Variants in NXPH2 observed in about 807,000 individuals in gnomAD.
NXPH2 encodes neurexophilin 2, also known as neurexophilin-2.
NXPH2 carries 5 observed loss-of-function variants against 19.8 expected under a neutral mutation model. The ratio of observed to expected loss-of-function variants is 0.25; its 90% CI spans 0.13 to 0.53. The LOEUF (loss-of-function observed/expected upper bound fraction) is 0.53. NXPH2 is among the 20% of genes least tolerant of loss of function. The probability of loss-of-function intolerance (pLI) is 0.96; values close to 1 mark genes in which losing one functional copy is unlikely to be tolerated. For synonymous variants in NXPH2, 154 were observed against 127.4 expected, an observed-to-expected ratio of 1.21 and a Z score of -1.41; for missense variants, 289 against 322.8, an observed-to-expected ratio of 0.90 and a Z score of 0.80.
intron 1 of NXPH2, among the ~76,000 whole-genome samples, chr2:138,764,629 A>G (rs1309343360): frequency 6.6e-6 from 1 of 152,202 alleles, no homozygotes; most frequent in East Asian, 1.9e-4. Context: ...TCTGATATAA[A>G]TCATATATAA....
At chr2:138,692,076 C>T (rs1194735237) in intron 1 of NXPH2, among the ~76,000 whole-genome samples, 1 of 152,070 alleles carries the variant, frequency 6.6e-6, no homozygotes, top group African/African-American at 2.4e-5. Flanking sequence ...AGAGCTTTGC[C>T]CTATAGATGA....
chr2:138,777,922 C>T (rs371971644), intron 1 of NXPH2, among the ~76,000 whole-genome samples: 1 of 144,864 alleles, frequency 6.9e-6, no homozygotes, highest in South Asian at 2.3e-4. Context: ...TGACTAGTTT[C>T]ATATCTAGAA....
intron 1 of NXPH2, among the ~76,000 whole-genome samples, chr2:138,761,089 G>A (rs4954721): frequency 0.27 from 41,089 of 151,980 alleles, 5,563 homozygotes; most frequent in Admixed American, 0.34. Flanking sequence ...AGAGTTTGCT[G>A]TGCCTGAAGC....
At chr2:138,756,431 G>T (rs4635466) in intron 1 of NXPH2, among the ~76,000 whole-genome samples, 125,002 of 151,242 alleles carry the variant, frequency 0.83, 51,615 homozygotes, top group Non-Finnish European at 0.86. Context: ...GGTGCAGAAT[G>T]TGCTTAAAAT....
intron 1 of NXPH2, among the ~76,000 whole-genome samples, chr2:138,705,138 T>A (rs947757509): frequency 9.2e-5 from 14 of 152,046 alleles, no homozygotes; most frequent in Middle Eastern, 3.4e-3. Context: ...TTTAAAAAAA[T>A]TTTTTTGTAG....
intron 1 of NXPH2, among the ~76,000 whole-genome samples, chr2:138,741,896 T>C (rs771123556): frequency 6.6e-6 from 1 of 152,186 alleles, no homozygotes; most frequent in Non-Finnish European, 1.5e-5. Context: ...GGGGCATTAA[T>C]GGGGAAAATG....
intron 1 of NXPH2, among the ~76,000 whole-genome samples, chr2:138,752,030 T>C (rs548043050): frequency 6.2e-4 from 94 of 152,278 alleles, no homozygotes; most frequent in Admixed American, 9.2e-4. Flanking sequence ...CCCAAAAGGA[T>C]AAGAAATAAA....
intron 1 of NXPH2, among the ~76,000 whole-genome samples, chr2:138,684,708 G>T (rs1680622941): frequency 6.6e-6 from 1 of 152,088 alleles, no homozygotes; most frequent in Admixed American, 6.5e-5. Context: ...GAAGGAACTG[G>T]GACTGTTCCG....
rs1440243341 is a variant in NXPH2, at chr2:138,670,816, C to G, written c.*106G>C. 3.3e-6 allele frequency: 4 copies of G among 1,220,296 alleles called. No individual in the cohort carries two copies. In the African/African-American group the frequency reaches 6.1e-5, roughly 18 times the overall value. 75.6% of individuals were successfully genotyped at this position (1,220,296 alleles called of 1,614,324 possible). A position where few individuals can be genotyped will look rare whatever the true frequency, so the allele number is the denominator to read the frequency against. On this transcript the variant is annotated 3_prime_UTR_variant, in exon 2 of 2. Coordinates refer to ENST00000272641, the MANE Select transcript of NXPH2 (RefSeq NM_007226.3). ...GAAAACCTGATAGGGAACTATTGTTCACTGCCAGAAACAAAAGGGATCCTT... is the reference window on the plus strand; with the variant it reads ...GAAAACCTGATAGGGAACTATTGTTGACTGCCAGAAACAAAAGGGATCCTT...
intron 1 of NXPH2, among the ~76,000 whole-genome samples, chr2:138,776,075 A>C (rs1378800748): frequency 6.6e-6 from 1 of 152,106 alleles, no homozygotes; most frequent in Non-Finnish European, 1.5e-5. Flanking sequence ...TGACACATTT[A>C]TATTCATCTT....
chr2:138,730,070 T>C (rs1367335849), intron 1 of NXPH2, among the ~76,000 whole-genome samples: 1 of 152,168 alleles, frequency 6.6e-6, no homozygotes, highest in Non-Finnish European at 1.5e-5. Context: ...CTCATTATGG[T>C]CATCCCTTGG....
At chr2:138,678,468 C>T (rs921777313) in intron 1 of NXPH2, among the ~76,000 whole-genome samples, 10 of 132,702 alleles carry the variant, frequency 7.5e-5, no homozygotes, top group Non-Finnish European at 9.6e-5. Context: ...CCTTTAATTC[C>T]GTGGCACTTG....
intron 1 of NXPH2, among the ~76,000 whole-genome samples, chr2:138,699,326 A>T (rs1680881560): frequency 6.6e-6 from 1 of 152,158 alleles, no homozygotes; most frequent in Non-Finnish European, 1.5e-5. Context: ...AAGAGCAAAG[A>T]GGAAGGCTTT....
intron 1 of NXPH2, among the ~76,000 whole-genome samples, chr2:138,672,437 A>G (rs1225624313): frequency 6.6e-6 from 1 of 152,198 alleles, no homozygotes; most frequent in South Asian, 2.1e-4. Flanking sequence ...TTCAAATCAT[A>G]GCCACCGAAA....
At chr2:138,722,767 C>T (rs1681301152) in intron 1 of NXPH2, among the ~76,000 whole-genome samples, 1 of 152,152 alleles carries the variant, frequency 6.6e-6, no homozygotes, top group Non-Finnish European at 1.5e-5. Flanking sequence ...AAGGTGTGAT[C>T]TTTGCTCAAG....
intron 1 of NXPH2, among the ~76,000 whole-genome samples, chr2:138,734,889 C>T (rs951570978): frequency 1.3e-5 from 2 of 152,076 alleles, no homozygotes; most frequent in African/African-American, 4.8e-5. Flanking sequence ...TCAGAAACAT[C>T]TTGATAAAGA....
chr2:138,733,974 G>A (rs1681495288), intron 1 of NXPH2, among the ~76,000 whole-genome samples: 1 of 152,200 alleles, frequency 6.6e-6, no homozygotes, highest in African/African-American at 2.4e-5. Context: ...GGTGAGCATG[G>A]TGGCTCACAC....
chr2:138,673,802 T>TAGAAGA (rs1355436236), intron 1 of NXPH2, among the ~76,000 whole-genome samples: 15 of 151,866 alleles, frequency 9.9e-5, no homozygotes, highest in Non-Finnish European at 1.3e-4. Flanking sequence ...TCCATCTAAC[T>TAGAAGA]GTGTTTGTAC....
At chr2:138,758,267 T>C (rs981224049) in intron 1 of NXPH2, among the ~76,000 whole-genome samples, 3 of 152,126 alleles carry the variant, frequency 2.0e-5, no homozygotes, top group African/African-American at 7.2e-5. Context: ...TTAAATAGTA[T>C]TACTGAGGAT....
Sources: allele counts gnomAD v4.1 joint callset (sites outside exome capture counted in the v4.1 genomes callset), GRCh38; gene constraint gnomAD v4.1.1; transcripts MANE v1.5; gene names NCBI Gene and HGNC (gene_info 2026-07-23, HGNC 2026-07-21).